Variants in KCNQ5 observed in about 807,000 individuals in gnomAD.
KCNQ5 encodes the protein potassium voltage-gated channel subfamily KQT member 5.
KCNQ5 carries 30 observed loss-of-function variants against 98.2 expected under a neutral mutation model. The observed-to-expected ratio is 0.31, with a 90% CI of 0.23 to 0.41. The LOEUF (loss-of-function observed/expected upper bound fraction) is 0.41, where lower values mean the gene tolerates loss of function less well. KCNQ5 is among the 10% of genes least tolerant of loss of function. KCNQ5 has a pLI of 1.00. For missense variants in KCNQ5, 835 were observed against 1,182.5 expected (o/e 0.71, Z 4.31); for synonymous variants, 458 against 449.4 (o/e 1.02, Z -0.24).
At position 72,734,201 on chromosome 6, in the gene KCNQ5, T is replaced by C. The variant is rs150474467; in HGVS notation, c.398+111614T>C. ...GCAGAGGAGCTTTGTAATACTGTGA[T>C]TTCCTTCTCAAGTTCAAGACTGAAA... is the stretch of plus-strand genomic sequence containing the variant. On this transcript the variant is annotated intron_variant, in intron 1 of 13. Coordinates refer to ENST00000370398, the MANE Select transcript of KCNQ5 (RefSeq NM_019842.4). Among the ~76,000 whole-genome samples, 213 of 152,338 alleles carry C rather than the reference T, an allele frequency of 1.4e-3. 1 individual carries two copies. The highest frequency in any genetic ancestry group is 4.6e-3 in the African/African-American group (193 of 41,576).
intron 11 of KCNQ5, among the ~76,000 whole-genome samples, chr6:73,186,226 C>CA (rs573218640): frequency 0.035 from 4,696 of 136,060 alleles, 102 homozygotes; most frequent in East Asian, 0.11. Flanking sequence ...GACCTTGTCT[C>CA]AAAAAAAAAA....
chr6:72,827,170 G>C (rs571227920), intron 1 of KCNQ5, among the ~76,000 whole-genome samples: 1 of 152,274 alleles, frequency 6.6e-6, no homozygotes, highest in East Asian at 1.9e-4. Flanking sequence ...ATTGTGAATA[G>C]TGTGGCAATA....
intron 1 of KCNQ5, among the ~76,000 whole-genome samples, chr6:72,856,866 C>T (rs573618525): frequency 1.2e-4 from 18 of 152,304 alleles, no homozygotes; most frequent in South Asian, 4.1e-4. Flanking sequence ...GGTTGTGCTA[C>T]GGTAGAAGAA....
intron 5 of KCNQ5, among the ~76,000 whole-genome samples, chr6:73,103,884 G>A (rs1385858669): frequency 6.6e-6 from 1 of 152,018 alleles, no homozygotes; most frequent in Admixed American, 6.6e-5. Flanking sequence ...GTAACACAAA[G>A]GATAAATGCT....
intron 10 of KCNQ5, 65 bp downstream of exon 10, chr6:73,133,706 A>G: frequency 7.4e-7 from 1 of 1,354,950 alleles, no homozygotes; most frequent in Non-Finnish European, 1.0e-6. Context: ...ATTATGAAGT[A>G]ATTAATTCTC....
intron 1 of KCNQ5, among the ~76,000 whole-genome samples, chr6:72,699,049 T>C (rs2154474556): frequency 6.6e-6 from 1 of 152,288 alleles, no homozygotes; most frequent in East Asian, 1.9e-4. Context: ...TATATTGATT[T>C]CTTGTTGGAA....
chr6:72,712,226 A>G (rs1769405948), intron 1 of KCNQ5, among the ~76,000 whole-genome samples: 1 of 152,228 alleles, frequency 6.6e-6, no homozygotes, highest in African/African-American at 2.4e-5. Context: ...ACCCTGGGGA[A>G]CACCTACATT....
intron 3 of KCNQ5, among the ~76,000 whole-genome samples, chr6:73,062,652 A>G (rs758015275): frequency 1.9e-4 from 29 of 152,224 alleles, no homozygotes; most frequent in Non-Finnish European, 3.7e-4. Flanking sequence ...AGAGGTTTTC[A>G]AAAGGATATT....
chr6:72,751,323 A>T (rs549870270), intron 1 of KCNQ5, among the ~76,000 whole-genome samples: 2,126 of 152,106 alleles, frequency 0.014, 40 homozygotes, highest in African/African-American at 0.047. Context: ...TGAAAAAAAA[A>T]AAATATAAGA....
Position 72,757,620 on chromosome 6 carries a change from G to A in KCNQ5, c.398+135033G>A, listed in dbSNP as rs139134247. On this transcript the variant is annotated intron_variant, in intron 1 of 13. Transcript: ENST00000370398. ...ACTGAAAGTGAAAAGCAGAATGGCC[G>A]TATGGGTACTTGAAGTATGGTTTCT... 2.1e-3 allele frequency among the ~76,000 whole-genome samples: 327 copies of A among 152,166 alleles called. 1 individual carries two copies. The highest frequency in any genetic ancestry group is 7.3e-3 in the South Asian group (35 of 4,820).
At chr6:73,152,032 G>A (rs750349370) in intron 10 of KCNQ5, among the ~76,000 whole-genome samples, 3 of 151,960 alleles carry the variant, frequency 2.0e-5, no homozygotes, top group Non-Finnish European at 4.4e-5. Context: ...CTCCTGTTGC[G>A]TCTCTCTGTG....
chr6:72,765,793 C>T (rs1211708231), intron 1 of KCNQ5, among the ~76,000 whole-genome samples: 4 of 151,932 alleles, frequency 2.6e-5, no homozygotes, highest in Non-Finnish European at 4.4e-5. Flanking sequence ...GTATATAAAA[C>T]ATAATGCTCT....
At chr6:73,084,767 G>A (rs1007221323) in intron 5 of KCNQ5, among the ~76,000 whole-genome samples, 2 of 152,174 alleles carry the variant, frequency 1.3e-5, no homozygotes, top group African/African-American at 4.8e-5. Flanking sequence ...TCTGAAGAAC[G>A]GGTGCCCTTG....
chr6:73,052,184 A>G (rs901336324), intron 3 of KCNQ5, among the ~76,000 whole-genome samples: 1 of 152,218 alleles, frequency 6.6e-6, no homozygotes, highest in African/African-American at 2.4e-5. Flanking sequence ...TCAGACAAAA[A>G]TAAAGAAAAA....
intron 1 of KCNQ5, among the ~76,000 whole-genome samples, chr6:72,696,161 A>G (rs1768485605): frequency 6.6e-6 from 1 of 152,234 alleles, no homozygotes; most frequent in South Asian, 2.1e-4. Context: ...GCACAAAGAT[A>G]TCTAAAAGGT....
In KCNQ5 at chr6:72,811,133, C is replaced by A. The variant is rs145077049; in HGVS notation, c.398+188546C>A. Among the ~76,000 whole-genome samples the A allele has an allele frequency of 9.9e-4, 151 of 152,256 alleles. No individual in the cohort carries two copies. In the Middle Eastern group the frequency reaches 0.01, roughly 10 times the overall value. On this transcript the variant is annotated intron_variant, in intron 1 of 13. Coordinates refer to ENST00000370398, the MANE Select transcript of KCNQ5 (RefSeq NM_019842.4). The stretch of plus-strand genomic sequence containing the variant: ...AAAATGAAAGGAGAGTGGGGAGTTG[C>A]CAGGGTCAGAGCCTTCGTGCAAAAT...
chr6:72,968,418 C>T (rs935852852), intron 1 of KCNQ5, among the ~76,000 whole-genome samples: 1 of 151,028 alleles, frequency 6.6e-6, no homozygotes, highest in African/African-American at 2.4e-5. Context: ...AGAAAAGAAT[C>T]TCAAAGGAGG....
intron 1 of KCNQ5, among the ~76,000 whole-genome samples, chr6:72,809,886 T>G (rs1048782365): frequency 5.3e-5 from 8 of 152,174 alleles, no homozygotes; most frequent in African/African-American, 1.9e-4. Flanking sequence ...CACCAATGGA[T>G]CCAATGAACA....
chr6:72,782,243 CCTCT>C (rs141220546), intron 1 of KCNQ5, among the ~76,000 whole-genome samples: 2,787 of 147,686 alleles, frequency 0.019, 36 homozygotes, highest in Non-Finnish European at 0.03. Flanking sequence ...TCTTATGCAC[CCTCT>C]CTCTCTCTCT....
Sources: gnomAD v4.1 joint callset for allele counts (sites outside exome capture counted in the v4.1 genomes callset) on GRCh38, gnomAD v4.1.1 for gene constraint, MANE v1.5 for transcripts, NCBI Gene and HGNC (gene_info 2026-07-23, HGNC 2026-07-21) for gene names.